Variants in AHDC1 observed in about 807,000 individuals in gnomAD.
AHDC1 encodes transcription factor Gibbin.
A neutral mutation model predicts 87.9 loss-of-function variants in AHDC1; 7 were observed. That is an observed-to-expected ratio of 0.08 (90% CI 0.05 to 0.15). The LOEUF is 0.15. Ranked by LOEUF, AHDC1 falls within the 10% of genes least tolerant of loss-of-function variation. The pLI is 1.00. For missense variants in AHDC1, 1,841 were observed against 2,253.2 expected (o/e 0.82, Z 3.70); for synonymous variants, 1,051 against 1,006.8 (o/e 1.04, Z -0.83).
chr1:27,551,660 C>G lies in AHDC1; in HGVS notation c.456G>C (p.Leu152=). ...GVHLDCGGLR[L]SRPPAPPPGD... ...CGGGTGGCGGTGCAGGCGGGCGGCT[C>G]AGTCGGAGCCCACCACAGTCCAGGT... The change falls in exon 8 of 9, where the codon CTG becomes CTC. Residue 152 remains leucine (L), a synonymous_variant. Transcript: ENST00000673934. 1.9e-6 allele frequency: 3 copies of G among 1,613,448 alleles called. No individual in the cohort carries two copies. The South Asian group carries it at 3.3e-5, about 18-fold the overall frequency.
In AHDC1 at chr1:27,551,664, C is replaced by T. The variant is rs2019573608; in HGVS notation, c.452G>A (p.Arg151Gln). Reference protein sequence around the residue: ...SGVHLDCGGLRLSRPPAPPPG... With the variant: ...SGVHLDCGGLQLSRPPAPPPG... ...TGGCGGTGCAGGCGGGCGGCTCAGT[C>T]GGAGCCCACCACAGTCCAGGTGTAC... Residue 151 changes from arginine to glutamine, a missense_variant, in exon 8 of 9, where the codon CGA (arginine) becomes CAA (glutamine). Arg to Gln is a conservative substitution (Grantham distance 43). This residue lies in a region of AHDC1 where 50 missense variants were observed against 104.3 expected (regional missense o/e 0.48). Transcript: ENST00000673934. 3.1e-6 allele frequency: 5 copies of T among 1,613,434 alleles called. No individual in the cohort carries two copies. The highest frequency in any genetic ancestry group is 1.7e-5 in the Admixed American group (1 of 59,992).
rs563490197 is a variant in AHDC1 at position 27,549,929 on chromosome 1, C to T, written c.2187G>A (p.Gly729=). ...GCTTCCCAGTCACAGCGTCTACCTC[C>T]CCCCGGCCCCGTTTGCGTGGGTGCC... ...ELGHPRKRGR[G]EVDAVTGKPK... is the part of the protein sequence containing the mutation. Residue 729 remains glycine, a synonymous_variant, in exon 8 of 9, where the codon GGG becomes GGA. Transcript: ENST00000673934. 4 of 1,613,364 alleles carry T rather than the reference C, an allele frequency of 2.5e-6. No individual in the cohort carries two copies. Among genetic ancestry groups the T allele is most frequent in the Non-Finnish European group, 3.4e-6 (4 of 1,179,820 alleles).
At chr1:27,582,579 C>A (rs563818743) in intron 3 of AHDC1, among the ~76,000 whole-genome samples, 77 of 152,206 alleles carry the variant, frequency 5.1e-4, no homozygotes, top group Non-Finnish European at 1.0e-3. Flanking sequence ...CTGTTTTACC[C>A]TCTAAATGTA....
rs572594536 is a variant in AHDC1 at position 27,601,956 on chromosome 1, C to T, written c.-629+1441G>A. ...CTGAGCTCTGCCCAGGGAGCTGGGGCCAAGTCCCGCCTGACACCAACTGGT... is the reference window on the plus strand; with the variant it reads ...CTGAGCTCTGCCCAGGGAGCTGGGGTCAAGTCCCGCCTGACACCAACTGGT... On this transcript the variant is annotated intron_variant, in intron 3 of 8. Coordinates refer to ENST00000673934, the MANE Select transcript of AHDC1 (RefSeq NM_001371928.1). Among the ~76,000 whole-genome samples, 77 of 152,324 alleles carry T rather than the reference C, an allele frequency of 5.1e-4. 1 individual carries two copies. The South Asian group carries it at 0.012, about 25-fold the overall frequency.
In AHDC1 at chr1:27,558,491, G is replaced by A; in HGVS notation, c.-411C>T. The stretch of plus-strand genomic sequence containing the variant: ...CAGGGAAGAGTCCTCAGGCTAGGAG[G>A]TAGGACTCACTGTATATCCATGAGC... On this transcript the variant is annotated 5_prime_UTR_variant, in exon 5 of 9. Coordinates refer to ENST00000673934, the MANE Select transcript of AHDC1 (RefSeq NM_001371928.1). This position sits in a 1 kb window ranked among gnomAD's most constrained non-coding sequence, Gnocchi z 5.6. 2.9e-6 allele frequency: 1 copy of A among 349,358 alleles called. No individual in the cohort carries two copies. The highest frequency in any genetic ancestry group is 5.1e-6 in the Non-Finnish European group (1 of 195,076). 21.6% of individuals were successfully genotyped at this position (349,358 alleles called of 1,614,324 possible). A position where few individuals can be genotyped will look rare whatever the true frequency, so the allele number is the denominator to read the frequency against.
At chr1:27,538,697 A>G (rs113276703) in intron 8 of AHDC1, among the ~76,000 whole-genome samples, 4,391 of 151,966 alleles carry the variant, frequency 0.029, 206 homozygotes, top group African/African-American at 0.1. Flanking sequence ...TTATTTTTTG[A>G]AAAGACAAGG....
chr1:27,568,273 G>A (rs1254041899), intron 3 of AHDC1: 1 of 152,262 alleles, frequency 6.6e-6, no homozygotes, highest in Non-Finnish European at 1.5e-5. Flanking sequence ...ACTACAGAGG[G>A]TCCTAGAGGG....
intron 3 of AHDC1, among the ~76,000 whole-genome samples, chr1:27,572,740 T>G (rs1243468542): frequency 2.0e-5 from 3 of 152,232 alleles, no homozygotes; most frequent in Non-Finnish European, 4.4e-5. Context: ...GAGCCTGTCC[T>G]GACCCAAAGC....
At chr1:27,570,118 A>G (rs1410108899) in intron 3 of AHDC1, among the ~76,000 whole-genome samples, 1 of 151,584 alleles carries the variant, frequency 6.6e-6, no homozygotes, top group African/African-American at 2.4e-5. Flanking sequence ...CCAGCTGGGC[A>G]TGCCAACCTT....
In AHDC1 at chr1:27,562,840, T is replaced by C. The variant is rs931111607; in HGVS notation, c.-628-3957A>G. Reference sequence around the variant, plus strand: ...CCCAACAGCATGAGAGAATCACACATGCCACTCCCCACAACAGCCTGCGAC... The same window carrying C: ...CCCAACAGCATGAGAGAATCACACACGCCACTCCCCACAACAGCCTGCGAC... On this transcript the variant is annotated intron_variant, in intron 3 of 8. Coordinates refer to ENST00000673934, the MANE Select transcript of AHDC1 (RefSeq NM_001371928.1). This position sits in a 1 kb window ranked among gnomAD's most constrained non-coding sequence, Gnocchi z 4.4. Among the ~76,000 whole-genome samples the C allele has an allele frequency of 6.6e-6, 1 of 152,114 alleles. No individual in the cohort carries two copies. Among genetic ancestry groups the C allele is most frequent in the Non-Finnish European group, 1.5e-5 (1 of 68,020 alleles).
intron 3 of AHDC1, among the ~76,000 whole-genome samples, chr1:27,599,787 T>C (rs1020051912): frequency 6.6e-5 from 10 of 152,078 alleles, no homozygotes; most frequent in Non-Finnish European, 1.5e-5. Flanking sequence ...CTCAGCTCTG[T>C]TCCAGGCATT....
At chr1:27,577,592 C>T (rs552064670) in intron 3 of AHDC1, among the ~76,000 whole-genome samples, 2 of 152,226 alleles carry the variant, frequency 1.3e-5, no homozygotes, top group African/African-American at 4.8e-5. Context: ...GCTCCCCCCA[C>T]TCCCAAGCAA....
At chr1:27,599,510 T>C (rs2089473000) in intron 3 of AHDC1, among the ~76,000 whole-genome samples, 1 of 152,118 alleles carries the variant, frequency 6.6e-6, no homozygotes. Context: ...ATTCTCTAAC[T>C]ACAGTGAGGT....
At chr1:27,594,788 C>T (rs1015776981) in intron 3 of AHDC1, among the ~76,000 whole-genome samples, 10 of 151,976 alleles carry the variant, frequency 6.6e-5, no homozygotes, top group Admixed American at 5.2e-4. Context: ...AATGTGCCAA[C>T]GGTGGGAGTG....
At chr1:27,599,379 TC>T (rs2089469038) in intron 3 of AHDC1, among the ~76,000 whole-genome samples, 1 of 151,930 alleles carries the variant, frequency 6.6e-6, no homozygotes. Context: ...TCCCTCTCTC[TC>T]CCGGCAGCAG....
chr1:27,537,077 C>G (rs928708162), intron 8 of AHDC1, among the ~76,000 whole-genome samples: 1 of 152,186 alleles, frequency 6.6e-6, no homozygotes, highest in African/African-American at 2.4e-5. Flanking sequence ...CAGCCAGAGA[C>G]TTTGGCAGAA....
chr1:27,545,688 G>A (rs189011600), intron 8 of AHDC1, among the ~76,000 whole-genome samples: 1,624 of 151,632 alleles, frequency 0.011, 27 homozygotes, highest in Middle Eastern at 0.051. Flanking sequence ...GACGCATGGG[G>A]AATGGAAGGC....
Position 27,562,936 on chromosome 1 carries a change from C to T in AHDC1, c.-628-4053G>A, listed in dbSNP as rs752145133. ...CACAAGTTGGTGACAACCCTCCTAACGGGATGAACTAAGCACATAACCTGT... is the reference window on the plus strand; with the variant it reads ...CACAAGTTGGTGACAACCCTCCTAATGGGATGAACTAAGCACATAACCTGT... On this transcript the variant is annotated intron_variant, in intron 3 of 8. Transcript: ENST00000673934. The surrounding 1 kb of genome is among the most constrained non-coding windows in gnomAD (Gnocchi z 4.4). Among the ~76,000 whole-genome samples the T allele has an allele frequency of 1.3e-5, 2 of 152,132 alleles. No individual in the cohort carries two copies. The highest frequency in any genetic ancestry group is 2.1e-4 in the South Asian group (1 of 4,828).
intron 3 of AHDC1, among the ~76,000 whole-genome samples, chr1:27,568,554 G>T (rs1571286877): frequency 6.6e-6 from 1 of 152,224 alleles, no homozygotes; most frequent in African/African-American, 2.4e-5. Context: ...CTCCACCCAC[G>T]GCGCGTCCCG....
Sources: allele counts gnomAD v4.1 joint callset (sites outside exome capture counted in the v4.1 genomes callset), GRCh38; gene constraint gnomAD v4.1.1; regional missense constraint gnomAD v4.1.1; non-coding constraint Gnocchi (gnomAD v3.1); transcripts MANE v1.5; gene names NCBI Gene and HGNC (gene_info 2026-07-23, HGNC 2026-07-21).